The following ACP7 variants were observed in gnomAD, a reference collection of about 807,000 sequenced individuals.
ACP7 encodes the protein acid phosphatase 7, tartrate resistant (putative), also known as acid phosphatase type 7.
A neutral mutation model predicts 60.6 loss-of-function variants in ACP7; 58 were observed. That is an observed-to-expected ratio of 0.96 (90% confidence interval 0.77 to 1.19). The LOEUF is 1.19. Among genes scored for constraint, ACP7 ranks in the 50% most tolerant of loss-of-function variants. ACP7 has a pLI of 0.00. For synonymous variants in ACP7, 237 were observed against 232.6 expected (o/e 1.02, Z -0.17); for missense variants, 574 against 596.2 (o/e 0.96, Z 0.39).
intron 11 of ACP7, 46 bp from the exon 12 acceptor site, chr19:39,106,901 C>G (rs777821065): frequency 1.2e-6 from 2 of 1,606,768 alleles, no homozygotes; most frequent in Non-Finnish European, 1.7e-6. Context: ...TGCTTCCCCG[C>G]GGGTCCTCCA....
chr19:39,106,084 A>G (rs1186693933), intron 11 of ACP7, among the ~76,000 whole-genome samples: 1 of 152,188 alleles, frequency 6.6e-6, no homozygotes, highest in Non-Finnish European at 1.5e-5. Context: ...ATCCAGTACT[A>G]TAATGCTGGG....
Position 39,101,157 on chromosome 19 carries a change from A to T in ACP7, c.923A>T (p.Lys308Ile). The change falls in exon 9 of 13, where the codon AAA becomes ATA. Residue 308 changes from lysine to isoleucine, a missense_variant. Lys to Ile is a moderately radical substitution (Grantham distance 102, BLOSUM62 -3). Coordinates refer to ENST00000331256, the MANE Select transcript of ACP7 (RefSeq NM_001004318.3). ...CTCATTCACCCTGCCCAGGTCCGCAAAGGCCTCCAAGGCAAGCTGTACGGG... is the reference window on the plus strand; with the variant it reads ...CTCATTCACCCTGCCCAGGTCCGCATAGGCCTCCAAGGCAAGCTGTACGGG... ...DCTRHESKVR[K>I]GLQGKLYGLE... 1 of 1,614,090 alleles carries T rather than the reference A, an allele frequency of 6.2e-7. No individual in the cohort carries two copies. Among genetic ancestry groups the T allele is most frequent in the Non-Finnish European group, 8.5e-7 (1 of 1,180,022 alleles).
chr19:39,105,405 G>A (rs1042602509), intron 11 of ACP7, among the ~76,000 whole-genome samples: 2 of 152,078 alleles, frequency 1.3e-5, no homozygotes, highest in Non-Finnish European at 1.5e-5. Flanking sequence ...GAGTTGTTTT[G>A]TGGAATTTCC....
chr19:39,100,212 C>CA lies in ACP7; in HGVS notation c.506-15_506-14insA, dbSNP rs1568480614. On this transcript the variant is annotated splice_polypyrimidine_tract_variant and intron_variant, in intron 4 of 12. Coordinates refer to ENST00000331256, the MANE Select transcript of ACP7 (RefSeq NM_001004318.3). ...TGGGCCTGGGTCCTCACCCTCCTTC[C>CA]GCCCCCTCCCCCAGGAGACTTTGCC... 1.3e-6 allele frequency: 2 copies of CA among 1,595,940 alleles called. No individual in the cohort carries two copies. Among genetic ancestry groups the CA allele is most frequent in the East Asian group, 2.3e-5 (1 of 43,598 alleles).
rs1458391515 is a variant in ACP7, at chr19:39,093,146, TTCTTTCTTTC to T, written c.122-5300_122-5291del. ...TTTCTTTCCTTCTTCCCTCACTCCTTTCTTTCTTTCTCTTTCTTTCTTTCTCTCCTTCCTT... is the reference window on the plus strand; with the variant it reads ...TTTCTTTCCTTCTTCCCTCACTCCTTTCTTTCTTTCTTTCTCTCCTTCCTT... On this transcript the variant is annotated intron_variant, in intron 2 of 12. Coordinates refer to ENST00000331256, the MANE Select transcript of ACP7 (RefSeq NM_001004318.3). Among the ~76,000 whole-genome samples the T allele has an allele frequency of 5.4e-3, 276 of 51,222 alleles. 2 individuals are homozygous for T. The highest frequency in any genetic ancestry group is 8.7e-3 in the South Asian group (15 of 1,734). 33.6% of individuals were successfully genotyped at this position (51,222 alleles called of 152,430 possible). A position where few individuals can be genotyped will look rare whatever the true frequency, so the allele number is the denominator to read the frequency against.
chr19:39,085,281 T>C lies in ACP7; in HGVS notation c.12T>C (p.Leu4=). The C allele has an allele frequency of 6.2e-7, 1 of 1,613,042 alleles. No individual in the cohort carries two copies. Among genetic ancestry groups the C allele is most frequent in the Non-Finnish European group, 8.5e-7 (1 of 1,179,464 alleles). Residue 4 remains leucine, a synonymous_variant, in exon 2 of 13, where the codon CTT becomes CTC. Transcript: ENST00000331256. The part of the protein sequence containing the change: MHP[L]PGYWSCYCLL... ...ACCACCCCACCACCATGCACCCCCT[T>C]CCTGGCTACTGGTCCTGTTACTGTC...
At chr19:39,087,049 A>T (rs2144957930) in intron 2 of ACP7, among the ~76,000 whole-genome samples, 1 of 152,240 alleles carries the variant, frequency 6.6e-6, no homozygotes, top group East Asian at 1.9e-4. Context: ...CGCTCTGTCA[A>T]CCAGGCTGGA....
At chr19:39,090,620 A>C (rs1323839623) in intron 2 of ACP7, among the ~76,000 whole-genome samples, 1 of 151,174 alleles carries the variant, frequency 6.6e-6, no homozygotes, top group Non-Finnish European at 1.5e-5. Context: ...AGTAGCTGGG[A>C]CTACAGGGAT....
At chr19:39,100,195 G>T (rs1432338360) in intron 4 of ACP7, 32 bp from the exon 5 acceptor site, 2 of 1,607,558 alleles carry the variant, frequency 1.2e-6, no homozygotes, top group Non-Finnish European at 1.7e-6. Context: ...GCTGGGCCTG[G>T]GTCCTCACCC....
At chr19:39,092,289 G>A (rs1226796306) in intron 2 of ACP7, among the ~76,000 whole-genome samples, 9 of 151,914 alleles carry the variant, frequency 5.9e-5, no homozygotes, top group South Asian at 4.1e-4. Context: ...CAGAAGAATC[G>A]CTTCAACCCG....
chr19:39,105,891 T>G (rs1302865395), intron 11 of ACP7, among the ~76,000 whole-genome samples: 1 of 152,178 alleles, frequency 6.6e-6, no homozygotes. Flanking sequence ...TTACTGATGA[T>G]GCTTACTTTG....
In ACP7 at chr19:39,111,019, T is replaced by G. The variant is rs1250039021; in HGVS notation, c.*901T>G. ...GACGGTGAGAGAGCAGTTTCAATTT[T>G]CAGGGGGATCTCACTGAGAGGGCAA... On this transcript the variant is annotated 3_prime_UTR_variant, in exon 13 of 13. Transcript: ENST00000331256. 6.6e-6 allele frequency: 1 copy of G among 152,172 alleles called. No homozygotes were observed. Among genetic ancestry groups the G allele is most frequent in the Non-Finnish European group, 1.5e-5 (1 of 68,030 alleles). 9.4% of individuals were successfully genotyped at this position (152,172 alleles called of 1,614,324 possible).
intron 2 of ACP7, among the ~76,000 whole-genome samples, chr19:39,094,004 C>T (rs1002421510): frequency 1.3e-5 from 2 of 152,130 alleles, no homozygotes; most frequent in African/African-American, 4.8e-5. Context: ...TTTGCAATTA[C>T]AAAGAGTACT....
intron 12 of ACP7, among the ~76,000 whole-genome samples, chr19:39,109,529 A>C (rs775039464): frequency 6.6e-6 from 1 of 151,758 alleles, no homozygotes; most frequent in Non-Finnish European, 1.5e-5. Context: ...ACATGGTGAA[A>C]CCTTGTCTCT....
chr19:39,096,176 G>T (rs1029379935), intron 2 of ACP7, among the ~76,000 whole-genome samples: 4 of 152,052 alleles, frequency 2.6e-5, no homozygotes, highest in Admixed American at 2.6e-4. Context: ...CAGAAAATGG[G>T]GTTTTATTTT....
chr19:39,102,120 T>TCACA (rs561424510), intron 11 of ACP7, among the ~76,000 whole-genome samples: 2,787 of 145,614 alleles, frequency 0.019, 77 homozygotes, highest in Admixed American at 0.066. Flanking sequence ...ACCCTTTCTC[T>TCACA]CACACACACA....
Position 39,100,220 on chromosome 19 carries a change from C to T in ACP7, c.506-7C>T, listed in dbSNP as rs1267517776. ...GGTCCTCACCCTCCTTCCGCCCCCTCCCCCAGGAGACTTTGCCTACAACCT... is the reference window on the plus strand; with the variant it reads ...GGTCCTCACCCTCCTTCCGCCCCCTTCCCCAGGAGACTTTGCCTACAACCT... On this transcript the variant is annotated splice_region_variant and splice_polypyrimidine_tract_variant and intron_variant, in intron 4 of 12. Transcript: ENST00000331256. The T allele has an allele frequency of 2.5e-6, 4 of 1,612,586 alleles. No homozygotes were observed. In the South Asian group the frequency reaches 3.3e-5, roughly 13 times the overall value.
intron 11 of ACP7, among the ~76,000 whole-genome samples, chr19:39,103,466 T>TTTTTTC (rs2073379606): frequency 9.5e-6 from 1 of 105,554 alleles, no homozygotes; most frequent in Non-Finnish European, 2.1e-5. Flanking sequence ...TTTTTTTTTT[T>TTTTTTC]GCTCAGCCTT....
At chr19:39,094,972 C>T (rs1439819175) in intron 2 of ACP7, among the ~76,000 whole-genome samples, 2 of 152,236 alleles carry the variant, frequency 1.3e-5, no homozygotes, top group East Asian at 3.9e-4. Context: ...GAGACTTATT[C>T]ACTACCACAA....
Sources: gnomAD v4.1 joint callset for allele counts (sites outside exome capture counted in the v4.1 genomes callset) on GRCh38, gnomAD v4.1.1 for gene constraint, MANE v1.5 for transcripts, NCBI Gene and HGNC (gene_info 2026-07-23, HGNC 2026-07-21) for gene names.